XKR9: variants seen among roughly 807,000 people sequenced by gnomAD.
XKR9 encodes XK related 9.
In XKR9, 32 loss-of-function variants were observed where a neutral mutation model predicts 32.0. The ratio of observed to expected loss-of-function variants is 1.00; its 90% CI spans 0.76 to 1.34. XKR9 has a LOEUF of 1.34. Ranked by LOEUF, XKR9 falls within the 40% of genes most tolerant of loss-of-function variation. The pLI is 0.00. For synonymous variants in XKR9, 168 were observed against 143.4 expected, an observed-to-expected ratio of 1.17 and a Z score of -1.22; for missense variants, 546 against 429.7, an observed-to-expected ratio of 1.27 and a Z score of -2.39.
intron 3 of XKR9, among the ~76,000 whole-genome samples, chr8:70,703,858 T>C (rs1805626091): frequency 1.3e-5 from 2 of 151,780 alleles, no homozygotes; most frequent in Non-Finnish European, 2.9e-5. Flanking sequence ...TCTGTTTTTC[T>C]TTTTTTTGGC....
chr8:70,814,599 A>G, the XKR9 span, among the ~76,000 whole-genome samples: 2 of 152,118 alleles, frequency 1.3e-5, no homozygotes, highest in Admixed American at 6.6e-5. Flanking sequence ...ATATCTAAAA[A>G]TAATAAAGGC....
the XKR9 span, among the ~76,000 whole-genome samples, chr8:70,798,458 G>T: frequency 1.2e-4 from 19 of 152,078 alleles, no homozygotes; most frequent in Non-Finnish European, 2.5e-4. Context: ...TTAGCCATTT[G>T]TTGGGTAAAC....
chr8:70,688,199 G>A (rs546397982), intron 3 of XKR9, among the ~76,000 whole-genome samples: 244 of 152,336 alleles, frequency 1.6e-3, no homozygotes, highest in Non-Finnish European at 2.7e-3. Context: ...CAAATCTTCA[G>A]AAGTATATTA....
the XKR9 span, among the ~76,000 whole-genome samples, chr8:70,987,078 A>G: frequency 9.8e-5 from 15 of 152,326 alleles, no homozygotes; most frequent in East Asian, 2.9e-3. Context: ...TGATTCAGTT[A>G]TCTCCCACTG....
At chr8:70,847,501 A>G in the XKR9 span, among the ~76,000 whole-genome samples, 1 of 152,144 alleles carries the variant, frequency 6.6e-6, no homozygotes, top group South Asian at 2.1e-4. Flanking sequence ...ATTAAACAAA[A>G]CAGAGACAAA....
chr8:70,949,322 A>G, the XKR9 span, among the ~76,000 whole-genome samples: 1 of 152,058 alleles, frequency 6.6e-6, no homozygotes, highest in Non-Finnish European at 1.5e-5. Flanking sequence ...TTTTTTCTTA[A>G]CTGTGTGGAT....
At chr8:70,706,495 A>G (rs779582416) in intron 3 of XKR9, among the ~76,000 whole-genome samples, 2 of 152,128 alleles carry the variant, frequency 1.3e-5, no homozygotes, top group Non-Finnish European at 2.9e-5. Context: ...TGCATGAATG[A>G]AAAATTGCAG....
the XKR9 span, among the ~76,000 whole-genome samples, chr8:71,040,243 A>G: frequency 6.6e-6 from 1 of 152,130 alleles, no homozygotes; most frequent in Non-Finnish European, 1.5e-5. Context: ...CAGCACAGGG[A>G]GAAAGGAGGG....
At chr8:70,894,074 A>G in the XKR9 span, among the ~76,000 whole-genome samples, 1 of 151,986 alleles carries the variant, frequency 6.6e-6, no homozygotes, top group Non-Finnish European at 1.5e-5. Context: ...GAGGAAGAAC[A>G]GGTGTTTGGA....
the XKR9 span, among the ~76,000 whole-genome samples, chr8:70,805,379 C>T: frequency 1.3e-5 from 2 of 152,244 alleles, no homozygotes; most frequent in Admixed American, 6.5e-5. Flanking sequence ...TCTGCTTAGC[C>T]TACCGAGCTC....
the XKR9 span, among the ~76,000 whole-genome samples, chr8:70,895,195 T>A: frequency 2.6e-5 from 4 of 152,118 alleles, no homozygotes; most frequent in African/African-American, 9.7e-5. Flanking sequence ...TCTCCTAGTT[T>A]CCAGCTGATC....
chr8:70,766,449 G>A (rs999414030), intron 2 of XKR9, among the ~76,000 whole-genome samples: 1 of 152,154 alleles, frequency 6.6e-6, no homozygotes, highest in South Asian at 2.1e-4. Context: ...CACTGATTTT[G>A]TATCCTGAGA....
intron 2 of XKR9, among the ~76,000 whole-genome samples, chr8:70,678,565 C>T (rs751132418): frequency 6.6e-6 from 1 of 151,772 alleles, no homozygotes; most frequent in Non-Finnish European, 1.5e-5. Flanking sequence ...CAGAACCTCC[C>T]GATTAATCTC....
the XKR9 span, among the ~76,000 whole-genome samples, chr8:70,879,255 G>A: frequency 6.6e-6 from 1 of 152,074 alleles, no homozygotes; most frequent in South Asian, 2.1e-4. Context: ...AACTAGAGAA[G>A]CAAGAGCAAA....
intron 2 of XKR9, among the ~76,000 whole-genome samples, chr8:70,750,844 A>G (rs1309122279): frequency 6.6e-6 from 1 of 152,210 alleles, no homozygotes; most frequent in East Asian, 1.9e-4. Context: ...CTGGGCCATG[A>G]TGCCCAGGTA....
At chr8:70,718,665 G>A (rs1479585732) in intron 4 of XKR9, among the ~76,000 whole-genome samples, 1 of 152,054 alleles carries the variant, frequency 6.6e-6, no homozygotes, top group African/African-American at 2.4e-5. Flanking sequence ...TCTTTTTTAT[G>A]GCTGCATAGT....
At chr8:70,987,968 A>G in the XKR9 span, among the ~76,000 whole-genome samples, 1 of 152,146 alleles carries the variant, frequency 6.6e-6, no homozygotes, top group Admixed American at 6.5e-5. Context: ...GCACCATCTG[A>G]TGCCATTGCT....
intron 4 of XKR9, among the ~76,000 whole-genome samples, chr8:70,727,312 A>T (rs577619268): frequency 5.9e-4 from 88 of 148,198 alleles, no homozygotes; most frequent in African/African-American, 2.1e-3. Context: ...AATATTTTTG[A>T]ATTAAAGAAG....
At chr8:70,839,249 G>T in the XKR9 span, among the ~76,000 whole-genome samples, 1 of 152,114 alleles carries the variant, frequency 6.6e-6, no homozygotes, top group African/African-American at 2.4e-5. Context: ...ACTGGATTTG[G>T]CTACACCAAC....
Sources: gnomAD v4.1 joint callset for allele counts (sites outside exome capture counted in the v4.1 genomes callset) on GRCh38, gnomAD v4.1.1 for gene constraint, MANE v1.5 for transcripts, NCBI Gene and HGNC (gene_info 2026-07-23, HGNC 2026-07-21) for gene names.